The following WT1 variants were observed in gnomAD, a reference collection of about 807,000 sequenced individuals.
The protein encoded by WT1 is Wilms tumor protein.
Under a neutral mutation model 60.8 loss-of-function variants are expected in WT1, and 8 were observed. That is an observed-to-expected ratio of 0.13 (90% CI 0.08 to 0.24). The LOEUF is 0.24. WT1 is among the 10% of genes least tolerant of loss of function. The probability of loss-of-function intolerance (pLI) is 1.00; values close to 1 mark genes in which losing one functional copy is unlikely to be tolerated. For synonymous variants in WT1, 312 were observed against 297.1 expected, an observed-to-expected ratio of 1.05 and a Z score of -0.52; for missense variants, 568 against 711.8, an observed-to-expected ratio of 0.80 and a Z score of 2.30.
intron 6 of WT1, among the ~76,000 whole-genome samples, chr11:32,397,481 A>ATTT (rs1852008795): frequency 1.6e-5 from 2 of 121,502 alleles, no homozygotes; most frequent in African/African-American, 7.6e-5. Flanking sequence ...ATGCCCAGCT[A>ATTT]ATTTTTTTTT....
rs1046578742 is a variant in WT1, at chr11:32,388,037, C to T, written c.*1021G>A. 5.1e-5 allele frequency: 12 copies of T among 234,252 alleles called. No homozygotes were observed. Among genetic ancestry groups the T allele is most frequent in the African/African-American group, 6.8e-5 (3 of 43,960 alleles). 14.5% of individuals were successfully genotyped at this position (234,252 alleles called of 1,614,324 possible). A position where few individuals can be genotyped will look rare whatever the true frequency, so the allele number is the denominator to read the frequency against. On this transcript the variant is annotated 3_prime_UTR_variant, in exon 10 of 10. Coordinates refer to ENST00000452863, the MANE Select transcript of WT1 (RefSeq NM_024426.6). Reference sequence around the variant, plus strand: ...ACACACACACACACACACACACACACGACCATCTTTAAACAATGGATTTCC... The same window carrying T: ...ACACACACACACACACACACACACATGACCATCTTTAAACAATGGATTTCC...
At chr11:32,413,995 C>T (rs1852584153) in intron 5 of WT1, among the ~76,000 whole-genome samples, 1 of 152,140 alleles carries the variant, frequency 6.6e-6, no homozygotes, top group African/African-American at 2.4e-5. Context: ...AAGATCAGAT[C>T]AGAAGAGGAA....
intron 3 of WT1, among the ~76,000 whole-genome samples, chr11:32,423,069 G>A (rs1852907041): frequency 1.3e-5 from 2 of 152,160 alleles, no homozygotes. Flanking sequence ...ACTCTGGGAA[G>A]GAAAGACAGC....
intron 3 of WT1, among the ~76,000 whole-genome samples, chr11:32,420,036 T>C (rs1852804553): frequency 6.6e-6 from 1 of 152,212 alleles, no homozygotes; most frequent in Non-Finnish European, 1.5e-5. Context: ...AAGGCAAATC[T>C]TCTCAAATAC....
At chr11:32,432,442 C>A (rs76103435) in intron 1 of WT1, among the ~76,000 whole-genome samples, 1 of 152,188 alleles carries the variant, frequency 6.6e-6, no homozygotes, top group Non-Finnish European at 1.5e-5. Flanking sequence ...GGATAGCAGC[C>A]GGAGCGCTTC....
chr11:32,431,198 C>T (rs1853297385), intron 1 of WT1, among the ~76,000 whole-genome samples: 1 of 152,198 alleles, frequency 6.6e-6, no homozygotes, highest in African/African-American at 2.4e-5. Context: ...GCAGGCTCAG[C>T]CAGGAAGGTG....
At chr11:32,425,875 G>A (rs372695615) in intron 3 of WT1, among the ~76,000 whole-genome samples, 21 of 152,302 alleles carry the variant, frequency 1.4e-4, no homozygotes, top group East Asian at 9.6e-4. Flanking sequence ...TAATACAGTG[G>A]CCAATCAGAA....
chr11:32,434,728 G>C lies in WT1; in HGVS notation c.633C>G (p.Leu211=), dbSNP rs576677344. Residue 211 remains leucine (L), a synonymous_variant, in exon 1 of 10, where the codon CTC becomes CTG. Transcript: ENST00000452863. ...GATTGCGAATAGCGGGCTGGCTCTC[G>C]AGGCAGCTGGGCAGGTAGGGCGCGT... 3 of 1,613,014 alleles carry C rather than the reference G, an allele frequency of 1.9e-6. No individual in the cohort carries two copies. The highest frequency in any genetic ancestry group is 1.7e-4 in the Middle Eastern group (1 of 6,056).
Position 32,427,933 on chromosome 11 carries a change from C to G in WT1, c.887+23G>C, listed in dbSNP as rs765570602. 2.5e-6 allele frequency: 4 copies of G among 1,596,934 alleles called. No individual in the cohort carries two copies. The South Asian group carries it at 4.5e-5, about 18-fold the overall frequency. On this transcript the variant is annotated intron_variant, in intron 3 of 9. Transcript: ENST00000452863. ...CCCTCCGGGGTCCCAAGGACCCAGA[C>G]GCAGAGCCCAGCGCCTTCCTACCTG...
At chr11:32,396,114 C>T in intron 7 of WT1, 143 bp downstream of exon 7, 1 of 1,193,560 alleles carries the variant, frequency 8.4e-7, no homozygotes, top group Non-Finnish European at 1.2e-6. Flanking sequence ...GCCCCACAGC[C>T]TCTTTACAAC....
In WT1 at chr11:32,435,264, G is replaced by A. The variant is rs1416988433; in HGVS notation, c.97C>T (p.Pro33Ser). The A allele has an allele frequency of 1.3e-6, 2 of 1,535,156 alleles. No homozygotes were observed. The highest frequency in any genetic ancestry group is 1.7e-6 in the Non-Finnish European group (2 of 1,147,154). Residue 33 changes from proline (P) to serine (S), a missense_variant, in exon 1 of 10, where the codon CCA becomes TCA. Around this residue, in one of 3 missense-constraint regions of WT1, gnomAD observed 523 missense variants for 565.1 expected, o/e 0.93. Transcript: ENST00000452863. ...GGGTCCCGGACTCCCTGCTGCTCTG[G>A]CTGCTGTAGGCACCCAGGCCCGGAG... is the stretch of plus-strand genomic sequence containing the variant.
At position 32,400,160 on chromosome 11, in the gene WT1, T is replaced by C. The variant is rs1852110101; in HGVS notation, c.1017-116A>G. ...TTAAAGCTCACAGAACAAAAATAGTTGGTTTTTGCCTCCCTCCATGGGGCC... is the reference window on the plus strand; with the variant it reads ...TTAAAGCTCACAGAACAAAAATAGTCGGTTTTTGCCTCCCTCCATGGGGCC... On this transcript the variant is annotated intron_variant, in intron 5 of 9. Coordinates refer to ENST00000452863, the MANE Select transcript of WT1 (RefSeq NM_024426.6). 5.2e-6 allele frequency: 7 copies of C among 1,341,820 alleles called. No individual in the cohort carries two copies. The Admixed American group carries it at 1.4e-4, about 26-fold the overall frequency. 83.1% of individuals were successfully genotyped at this position (1,341,820 alleles called of 1,614,324 possible). A position where few individuals can be genotyped will look rare whatever the true frequency, so the allele number is the denominator to read the frequency against.
intron 5 of WT1, among the ~76,000 whole-genome samples, chr11:32,412,082 C>T (rs1004283855): frequency 6.6e-6 from 1 of 152,096 alleles, no homozygotes; most frequent in Non-Finnish European, 1.5e-5. Flanking sequence ...ATCTCTTGGA[C>T]GGATACCTTA....
chr11:32,408,540 A>AAAAG (rs1564981665), intron 5 of WT1, among the ~76,000 whole-genome samples: 81 of 137,302 alleles, frequency 5.9e-4, no homozygotes, highest in South Asian at 3.3e-3. Flanking sequence ...AAAAAAAAAA[A>AAAAG]AAAGAAAGAA....
intron 1 of WT1, chr11:32,430,922 G>C: frequency 9.6e-7 from 1 of 1,041,690 alleles, no homozygotes; most frequent in African/African-American, 1.6e-5. Flanking sequence ...GGAGAGTGCG[G>C]GGGCAGGGGC....
At chr11:32,400,288 G>T (rs1852115731) in intron 5 of WT1, 1 of 576,250 alleles carries the variant, frequency 1.7e-6, no homozygotes, top group Non-Finnish European at 3.1e-6. Context: ...GCACCGTCAC[G>T]GTCTAGGTCT....
intron 1 of WT1, chr11:32,428,837 G>C: frequency 1.5e-6 from 1 of 662,824 alleles, no homozygotes; most frequent in Admixed American, 2.6e-5. Context: ...ATCCTTTTCT[G>C]ACTAAAACCC....
chr11:32,414,025 C>T (rs976463766), intron 5 of WT1, among the ~76,000 whole-genome samples: 5 of 152,308 alleles, frequency 3.3e-5, no homozygotes, highest in South Asian at 2.1e-4. Flanking sequence ...GCCCCTCACA[C>T]GGCACCCAAT....
chr11:32,392,555 A>C (rs1851848035), intron 8 of WT1, 111 bp downstream of exon 8: 2 of 1,088,714 alleles, frequency 1.8e-6, no homozygotes, highest in Admixed American at 3.8e-5. Context: ...TACTGGAAAA[A>C]CTAAACACAT....
Sources: gnomAD v4.1 joint callset for allele counts (sites outside exome capture counted in the v4.1 genomes callset) on GRCh38, gnomAD v4.1.1 for gene constraint, gnomAD v4.1.1 regional missense constraint, MANE v1.5 for transcripts, NCBI Gene and HGNC (gene_info 2026-07-23, HGNC 2026-07-21) for gene names.